CDH12: variants seen among roughly 807,000 people sequenced by gnomAD.
CDH12 encodes the protein cadherin-12.
In CDH12, 41 loss-of-function variants were observed where a neutral mutation model predicts 74.1. The observed-to-expected ratio is 0.55, with a 90% confidence interval of 0.43 to 0.72. The LOEUF is 0.72. CDH12 is among the 30% of genes least tolerant of loss of function. The pLI is 0.00. For synonymous variants in CDH12, 399 were observed against 355.0 expected, an observed-to-expected ratio of 1.12 and a Z score of -1.39; for missense variants, 945 against 977.2, an observed-to-expected ratio of 0.97 and a Z score of 0.44.
intron 1 of CDH12, among the ~76,000 whole-genome samples, chr5:22,781,406 G>T (rs947697184): frequency 6.6e-6 from 1 of 152,162 alleles, no homozygotes; most frequent in Admixed American, 6.6e-5. Flanking sequence ...CTGTGATGAG[G>T]CTTTTGCCGA....
chr5:21,770,511 C>A (rs1275064313), intron 11 of CDH12, among the ~76,000 whole-genome samples: 1 of 151,508 alleles, frequency 6.6e-6, no homozygotes, highest in Non-Finnish European at 1.5e-5. Flanking sequence ...GTAATCCCCA[C>A]TACTCGGGAG....
chr5:21,951,532 G>A (rs965173314), intron 6 of CDH12, among the ~76,000 whole-genome samples: 4 of 152,234 alleles, frequency 2.6e-5, no homozygotes, highest in African/African-American at 7.2e-5. Context: ...ACAGGCGTAA[G>A]TCATCGTGCC....
intron 9 of CDH12, among the ~76,000 whole-genome samples, chr5:21,809,186 T>G (rs1298184332): frequency 6.6e-6 from 1 of 152,142 alleles, no homozygotes. Context: ...ACAAATTATC[T>G]TAAGAATCAT....
chr5:22,550,140 A>T (rs1007100877), intron 1 of CDH12, among the ~76,000 whole-genome samples: 1 of 152,180 alleles, frequency 6.6e-6, no homozygotes, highest in African/African-American at 2.4e-5. Flanking sequence ...ACATCTCAGT[A>T]CAATTTTCTG....
intron 5 of CDH12, among the ~76,000 whole-genome samples, chr5:22,032,838 A>G (rs1021898247): frequency 3.3e-5 from 5 of 150,184 alleles, no homozygotes; most frequent in African/African-American, 9.8e-5. Context: ...ACACACACGC[A>G]CACACACAAA....
At chr5:22,336,009 C>T (rs112728344) in intron 3 of CDH12, among the ~76,000 whole-genome samples, 1,960 of 152,136 alleles carry the variant, frequency 0.013, 24 homozygotes, top group Middle Eastern at 0.02. Context: ...GCAACATGGA[C>T]AATAAGGTCC....
At chr5:22,619,589 C>T (rs1025023940) in intron 1 of CDH12, among the ~76,000 whole-genome samples, 1 of 151,826 alleles carries the variant, frequency 6.6e-6, no homozygotes, top group African/African-American at 2.4e-5. Context: ...AGACATAAAA[C>T]TCATTTGCCT....
chr5:22,692,591 T>C (rs1742141331), intron 1 of CDH12, among the ~76,000 whole-genome samples: 1 of 152,186 alleles, frequency 6.6e-6, no homozygotes, highest in African/African-American at 2.4e-5. Flanking sequence ...AGTTCTTCCT[T>C]GGGCTACAAA....
intron 3 of CDH12, among the ~76,000 whole-genome samples, chr5:22,337,207 C>A (rs745445392): frequency 2.0e-5 from 3 of 152,098 alleles, no homozygotes; most frequent in Non-Finnish European, 4.4e-5. Context: ...CTAGGAAGTA[C>A]CTATCTTGCT....
At chr5:22,818,144 C>T (rs1482783747) in intron 1 of CDH12, among the ~76,000 whole-genome samples, 1 of 152,080 alleles carries the variant, frequency 6.6e-6, no homozygotes, top group Non-Finnish European at 1.5e-5. Context: ...TTCGTCCTGT[C>T]CAACATGGTT....
At chr5:22,460,393 C>T (rs1313508525) in intron 2 of CDH12, among the ~76,000 whole-genome samples, 1 of 151,966 alleles carries the variant, frequency 6.6e-6, no homozygotes, top group Non-Finnish European at 1.5e-5. Flanking sequence ...CTCTTACGAA[C>T]AAAGAAGCAG....
chr5:22,563,529 C>T (rs1739160505), intron 1 of CDH12, among the ~76,000 whole-genome samples: 1 of 152,080 alleles, frequency 6.6e-6, no homozygotes. Flanking sequence ...CTGTAGGTTA[C>T]CTCTCTCACA....
rs191752402 is a variant in CDH12 at position 21,939,644 on chromosome 5, G to T, written c.526+35447C>A. Among the ~76,000 whole-genome samples the T allele has an allele frequency of 1.3e-3, 196 of 152,106 alleles. 1 individual carries two copies. Among genetic ancestry groups the T allele is most frequent in the African/African-American group, 4.5e-3 (188 of 41,520 alleles). On this transcript the variant is annotated intron_variant, in intron 6 of 14. Coordinates refer to ENST00000382254, the MANE Select transcript of CDH12 (RefSeq NM_004061.5). ...TCAGTTACTAAATACACAAATAAGG[G>T]AGTTATATGAAACTGTGCAGTAGTC...
At chr5:21,969,451 G>A (rs1298866503) in intron 6 of CDH12, among the ~76,000 whole-genome samples, 1 of 152,090 alleles carries the variant, frequency 6.6e-6, no homozygotes, top group Non-Finnish European at 1.5e-5. Flanking sequence ...GTTATAAATA[G>A]ACTATGGCTT....
At chr5:22,702,895 G>C (rs1742792518) in intron 1 of CDH12, among the ~76,000 whole-genome samples, 1 of 151,926 alleles carries the variant, frequency 6.6e-6, no homozygotes, top group South Asian at 2.1e-4. Flanking sequence ...TTTTACAATA[G>C]TTACATTTTG....
At chr5:21,988,528 C>T (rs1331659201) in intron 5 of CDH12, among the ~76,000 whole-genome samples, 7 of 123,914 alleles carry the variant, frequency 5.6e-5, no homozygotes, top group African/African-American at 1.8e-4. Flanking sequence ...AAAATGCCTA[C>T]AGTAGATTAG....
chr5:22,821,926 C>G (rs1351479803), intron 1 of CDH12, among the ~76,000 whole-genome samples: 1 of 151,798 alleles, frequency 6.6e-6, no homozygotes. Flanking sequence ...ATTGCCAAGT[C>G]AATCCTAAGC....
At chr5:22,763,625 C>G (rs1176970416) in intron 1 of CDH12, among the ~76,000 whole-genome samples, 2 of 151,824 alleles carry the variant, frequency 1.3e-5, no homozygotes, top group East Asian at 1.9e-4. Flanking sequence ...ACTTGTTTAG[C>G]CTTTTGGTTT....
At chr5:22,138,157 T>C (rs1053741251) in intron 4 of CDH12, among the ~76,000 whole-genome samples, 10 of 152,024 alleles carry the variant, frequency 6.6e-5, no homozygotes, top group African/African-American at 2.4e-4. Flanking sequence ...TTCCCTGACT[T>C]GTAGTACTTA....
Sources: allele counts gnomAD v4.1 joint callset (sites outside exome capture counted in the v4.1 genomes callset), GRCh38; gene constraint gnomAD v4.1.1; transcripts MANE v1.5; gene names NCBI Gene and HGNC (gene_info 2026-07-23, HGNC 2026-07-21).